Variants in RIT2 observed in about 807,000 individuals in gnomAD.
RIT2 encodes Ras like without CAAX 2.
In RIT2, 24 loss-of-function variants were observed where a neutral mutation model predicts 23.7. That is an observed-to-expected ratio of 1.01 (90% confidence interval 0.73 to 1.43). RIT2 has a LOEUF of 1.43. Ranked by LOEUF, RIT2 falls within the 40% of genes most tolerant of loss-of-function variation. RIT2 has a pLI of 0.00. For missense variants in RIT2, 236 were observed against 266.9 expected (o/e 0.88, Z 0.81); for synonymous variants, 107 against 91.1 (o/e 1.17, Z -0.99).
intron 4 of RIT2, among the ~76,000 whole-genome samples, chr18:42,808,151 A>G (rs2143971424): frequency 6.6e-6 from 1 of 152,292 alleles, no homozygotes; most frequent in Non-Finnish European, 1.5e-5. Context: ...GCAAAAGCAA[A>G]ATCATTTAGC....
intron 1 of RIT2, among the ~76,000 whole-genome samples, chr18:43,090,363 A>T (rs879173930): frequency 1.3e-5 from 2 of 152,126 alleles, no homozygotes; most frequent in Non-Finnish European, 2.9e-5. Context: ...CTAGAAAGTC[A>T]AAAAATACCA....
At chr18:43,101,385 A>G (rs565776495) in intron 1 of RIT2, among the ~76,000 whole-genome samples, 2 of 152,350 alleles carry the variant, frequency 1.3e-5, no homozygotes, top group South Asian at 2.1e-4. Context: ...ATGTCTAATT[A>G]TCCAGACATA....
chr18:43,010,372 C>T (rs985170620), intron 2 of RIT2, among the ~76,000 whole-genome samples: 1 of 151,812 alleles, frequency 6.6e-6, no homozygotes, highest in African/African-American at 2.4e-5. Flanking sequence ...TTCTCCATCT[C>T]ACAGCTCAGC....
At chr18:42,990,754 T>C (rs1212431170) in intron 2 of RIT2, among the ~76,000 whole-genome samples, 1 of 152,080 alleles carries the variant, frequency 6.6e-6, no homozygotes, top group Non-Finnish European at 1.5e-5. Context: ...CTTATTTAAT[T>C]TGCACAACAC....
intron 4 of RIT2, among the ~76,000 whole-genome samples, chr18:42,850,255 A>C (rs1158406791): frequency 6.6e-6 from 1 of 152,186 alleles, no homozygotes; most frequent in Non-Finnish European, 1.5e-5. Context: ...CTATCAAAAC[A>C]ATCAGTTAAC....
At chr18:43,082,650 C>A (rs1439160211) in intron 1 of RIT2, among the ~76,000 whole-genome samples, 1 of 151,686 alleles carries the variant, frequency 6.6e-6, no homozygotes, top group Non-Finnish European at 1.5e-5. Flanking sequence ...TCAATAGATG[C>A]AGAAAAGGCT....
At chr18:42,897,444 A>T (rs182548119) in intron 4 of RIT2, among the ~76,000 whole-genome samples, 21 of 152,292 alleles carry the variant, frequency 1.4e-4, no homozygotes, top group Admixed American at 9.8e-4. Flanking sequence ...GTGACTGACA[A>T]ATGTAAGGAC....
intron 4 of RIT2, among the ~76,000 whole-genome samples, chr18:42,900,257 A>G (rs1908439871): frequency 6.6e-6 from 1 of 152,050 alleles, no homozygotes; most frequent in South Asian, 2.1e-4. Flanking sequence ...AAAACCTCAC[A>G]TGTGTCAGAT....
At chr18:42,969,458 A>G (rs932100034) in intron 3 of RIT2, among the ~76,000 whole-genome samples, 1 of 152,166 alleles carries the variant, frequency 6.6e-6, no homozygotes, top group African/African-American at 2.4e-5. Context: ...TCTGGAAGAC[A>G]CTTTAGAGAT....
chr18:42,786,888 A>G (rs1441430705), intron 4 of RIT2, among the ~76,000 whole-genome samples: 1 of 152,118 alleles, frequency 6.6e-6, no homozygotes, highest in African/African-American at 2.4e-5. Flanking sequence ...CCTGTTCAGA[A>G]TTTCTACAGC....
intron 2 of RIT2, among the ~76,000 whole-genome samples, chr18:42,979,503 CAATA>C (rs1225955629): frequency 6.6e-6 from 1 of 151,976 alleles, no homozygotes; most frequent in Non-Finnish European, 1.5e-5. Context: ...TTTTTAAAGG[CAATA>C]AATAGTACAA....
intron 4 of RIT2, among the ~76,000 whole-genome samples, chr18:42,759,965 T>TG (rs1227827140): frequency 3.3e-5 from 5 of 152,010 alleles, no homozygotes; most frequent in African/African-American, 1.2e-4. Context: ...TTAGTAGAGA[T>TG]GGGGTTTCTC....
intron 3 of RIT2, among the ~76,000 whole-genome samples, chr18:42,964,144 T>C (rs1910157457): frequency 6.6e-6 from 1 of 152,086 alleles, no homozygotes; most frequent in African/African-American, 2.4e-5. Flanking sequence ...CGAGCCGAGA[T>C]TGTGCCATTG....
intron 4 of RIT2, among the ~76,000 whole-genome samples, chr18:42,799,782 T>C (rs1012860681): frequency 2.6e-5 from 4 of 152,200 alleles, no homozygotes; most frequent in African/African-American, 9.7e-5. Context: ...ACATTTGTAC[T>C]TAAGTTCCCT....
At chr18:42,986,791 G>A (rs1001455991) in intron 2 of RIT2, among the ~76,000 whole-genome samples, 9 of 151,516 alleles carry the variant, frequency 5.9e-5, no homozygotes, top group Admixed American at 3.9e-4. Flanking sequence ...GTAAGCCACC[G>A]AGCCCAGCCA....
intron 1 of RIT2, among the ~76,000 whole-genome samples, chr18:43,095,220 T>A (rs1467431005): frequency 6.6e-6 from 1 of 152,032 alleles, no homozygotes; most frequent in Non-Finnish European, 1.5e-5. Flanking sequence ...CTCTACAGCA[T>A]CTGTTCTTTC....
intron 4 of RIT2, among the ~76,000 whole-genome samples, chr18:42,892,143 T>C (rs773849348): frequency 9.9e-5 from 15 of 152,180 alleles, no homozygotes; most frequent in Non-Finnish European, 2.2e-4. Context: ...CCAAGGTTCA[T>C]GCTCGCCTCC....
At chr18:42,804,978 T>A (rs1428621338) in intron 4 of RIT2, among the ~76,000 whole-genome samples, 2 of 152,184 alleles carry the variant, frequency 1.3e-5, no homozygotes, top group African/African-American at 2.4e-5. Flanking sequence ...TCAGCAAAAA[T>A]TATTTTAAAA....
chr18:43,070,879 A>G lies in RIT2; in HGVS notation c.104-37012T>C, dbSNP rs992678097. ...CTTTCTGCAATTACAAGCCAGCTCC[A>G]TATTTCTCAGTTTATTTTCTGTATA... On this transcript the variant is annotated intron_variant, in intron 1 of 4. Coordinates refer to ENST00000326695, the MANE Select transcript of RIT2 (RefSeq NM_002930.4). Among the ~76,000 whole-genome samples, 7 of 152,158 alleles carry G rather than the reference A, an allele frequency of 4.6e-5. No individual in the cohort carries two copies. In the East Asian group the frequency reaches 1.2e-3, roughly 25 times the overall value.
Sources: allele counts gnomAD v4.1 joint callset (sites outside exome capture counted in the v4.1 genomes callset), GRCh38; gene constraint gnomAD v4.1.1; transcripts MANE v1.5; gene names NCBI Gene and HGNC (gene_info 2026-07-23, HGNC 2026-07-21).